Variants in LRRN3 observed in about 807,000 individuals in gnomAD.
The protein encoded by LRRN3 is leucine-rich repeat neuronal protein 3.
Under a neutral mutation model 40.1 loss-of-function variants are expected in LRRN3, and 15 were observed. That is an observed-to-expected ratio of 0.37 (90% CI 0.25 to 0.58). LRRN3 has a LOEUF of 0.58. Ranked by LOEUF, LRRN3 falls within the 20% of genes least tolerant of loss-of-function variation. The pLI, the probability that LRRN3 is intolerant of heterozygous loss-of-function variation, is 0.72. For synonymous variants in LRRN3, 308 were observed against 297.2 expected (o/e 1.04, Z -0.37); for missense variants, 746 against 837.7 (o/e 0.89, Z 1.35).
In LRRN3 at chr7:111,125,047, C is replaced by A; in HGVS notation, c.*148C>A. 1 of 610,694 alleles carries A rather than the reference C, an allele frequency of 1.6e-6. No homozygotes were observed. Among genetic ancestry groups the A allele is most frequent in the Non-Finnish European group, 2.8e-6 (1 of 353,554 alleles). The allele number at this position is 610,694 out of a possible 1,614,324, so 37.8% of individuals were successfully genotyped here. Reference sequence around the variant, plus strand: ...GAGAGAAGTTTAAGCTTCACCAATGCTGCTCCTGACCAATGGAAATATGTA... The same window carrying A: ...GAGAGAAGTTTAAGCTTCACCAATGATGCTCCTGACCAATGGAAATATGTA... On this transcript the variant is annotated 3_prime_UTR_variant, in exon 3 of 3. Coordinates refer to ENST00000308478, the MANE Select transcript of LRRN3 (RefSeq NM_001099658.2).
chr7:111,121,027 C>A (rs1424416668), intron 2 of LRRN3, among the ~76,000 whole-genome samples: 1 of 150,480 alleles, frequency 6.6e-6, no homozygotes, highest in African/African-American at 2.4e-5. Flanking sequence ...GAAAATATAA[C>A]AAATAAAATT....
At chr7:111,114,268 A>G (rs1486589004) in intron 2 of LRRN3, among the ~76,000 whole-genome samples, 1 of 152,146 alleles carries the variant, frequency 6.6e-6, no homozygotes, top group Non-Finnish European at 1.5e-5. Context: ...TACAGCTCCT[A>G]AGGATCTTTT....
At chr7:111,103,219 T>G (rs997759749) in intron 2 of LRRN3, among the ~76,000 whole-genome samples, 5 of 151,744 alleles carry the variant, frequency 3.3e-5, no homozygotes, top group African/African-American at 1.2e-4. Flanking sequence ...AAACCTGTAT[T>G]AGCATTTCTG....
At chr7:111,099,109 A>G (rs1208625877) in intron 1 of LRRN3, among the ~76,000 whole-genome samples, 4 of 151,682 alleles carry the variant, frequency 2.6e-5, no homozygotes, top group Non-Finnish European at 5.9e-5. Flanking sequence ...GCAGCTTATA[A>G]CTTCCTCTAT....
intron 1 of LRRN3, among the ~76,000 whole-genome samples, chr7:111,094,750 T>C (rs971110148): frequency 1.3e-5 from 2 of 152,134 alleles, no homozygotes; most frequent in African/African-American, 4.8e-5. Flanking sequence ...ACGAAGTCAC[T>C]AGTAAAACAT....
chr7:111,102,771 A>G (rs1263365284), intron 2 of LRRN3, among the ~76,000 whole-genome samples: 1 of 151,556 alleles, frequency 6.6e-6, no homozygotes, highest in Non-Finnish European at 1.5e-5. Flanking sequence ...TCCATCTCAA[A>G]TTTAAAAAGC....
chr7:111,101,683 T>C (rs959360609), intron 2 of LRRN3, among the ~76,000 whole-genome samples: 1 of 151,626 alleles, frequency 6.6e-6, no homozygotes. Context: ...TATATTGTCT[T>C]GTGTCTTCCC....
chr7:111,124,792 G>T lies in LRRN3; in HGVS notation c.2020G>T (p.Gly674Cys), dbSNP rs1030245462. The change falls in exon 3 of 3, where the codon GGT (glycine) becomes TGT (cysteine). Residue 674 changes from glycine to cysteine, a missense_variant. Transcript: ENST00000308478. ...CTTACAGAAACCAACCTTTGCATTA[G>T]GTGAGCTTTATCCTCCTCTGATAAA... is the stretch of plus-strand genomic sequence containing the variant. The part of the protein sequence containing the change: ...NYLQKPTFAL[G>C]ELYPPLINLW... 6.2e-7 allele frequency: 1 copy of T among 1,613,334 alleles called. No individual in the cohort carries two copies. The highest frequency in any genetic ancestry group is 1.3e-5 in the African/African-American group (1 of 74,864).
intron 2 of LRRN3, among the ~76,000 whole-genome samples, chr7:111,120,313 C>A (rs367849639): frequency 6.6e-6 from 1 of 152,082 alleles, no homozygotes; most frequent in African/African-American, 2.4e-5. Context: ...AAAGGCCTCA[C>A]AATCATGGCA....
rs1301367470 is a variant in LRRN3, at chr7:111,123,673, G to A, written c.901G>A (p.Asp301Asn). 7 of 1,613,684 alleles carry A rather than the reference G, an allele frequency of 4.3e-6. No homozygotes were observed. Among genetic ancestry groups the A allele is most frequent in the African/African-American group, 1.3e-5 (1 of 74,848 alleles). ...TAATATGCCTGAGCTGATTTCCATC[G>A]ATAGTCTTGCTGTGGATAACCTGCC... Reference protein sequence around the residue: ...INNMPELISIDSLAVDNLPDL... With the variant: ...INNMPELISINSLAVDNLPDL... The change falls in exon 3 of 3, where the codon GAT becomes AAT. Residue 301 changes from aspartate (D) to asparagine (N), a missense_variant. By Grantham distance (23) the Asp-to-Asn change is conservative. Transcript: ENST00000308478. This position sits in a 1 kb window ranked among gnomAD's most constrained non-coding sequence, Gnocchi z 6.4.
chr7:111,112,373 T>C (rs994902257), intron 2 of LRRN3, among the ~76,000 whole-genome samples: 1 of 152,196 alleles, frequency 6.6e-6, no homozygotes, highest in African/African-American at 2.4e-5. Context: ...ACTCTGTCTG[T>C]CACTTCGTAC....
At chr7:111,111,193 T>C (rs1356745302) in intron 2 of LRRN3, among the ~76,000 whole-genome samples, 2 of 152,102 alleles carry the variant, frequency 1.3e-5, no homozygotes, top group East Asian at 3.9e-4. Context: ...AGAACTCTTT[T>C]TCTCCATTAA....
At chr7:111,117,575 G>T (rs962215446) in intron 2 of LRRN3, among the ~76,000 whole-genome samples, 3 of 151,914 alleles carry the variant, frequency 2.0e-5, no homozygotes, top group African/African-American at 7.3e-5. Context: ...TGAAAAACTG[G>T]AAAAGAAATA....
chr7:111,118,783 G>T (rs938246691), intron 2 of LRRN3, among the ~76,000 whole-genome samples: 1 of 151,926 alleles, frequency 6.6e-6, no homozygotes, highest in African/African-American at 2.4e-5. Context: ...CTAAAGAAAC[G>T]ATAAATTTCT....
chr7:111,092,351 A>G (rs1796961283), intron 1 of LRRN3, among the ~76,000 whole-genome samples: 2 of 152,122 alleles, frequency 1.3e-5, no homozygotes, highest in South Asian at 4.1e-4. Flanking sequence ...GTTCTAACCA[A>G]CTGCTATATT....
At chr7:111,118,779 A>T (rs1800217797) in intron 2 of LRRN3, among the ~76,000 whole-genome samples, 8 of 152,136 alleles carry the variant, frequency 5.3e-5, no homozygotes, top group Admixed American at 5.2e-4. Flanking sequence ...TATGCTAAAG[A>T]AACGATAAAT....
At chr7:111,098,938 C>A (rs913974309) in intron 1 of LRRN3, among the ~76,000 whole-genome samples, 1 of 151,722 alleles carries the variant, frequency 6.6e-6, no homozygotes, top group African/African-American at 2.4e-5. Flanking sequence ...AGTTTCATAT[C>A]ATGCATTCTG....
intron 1 of LRRN3, among the ~76,000 whole-genome samples, chr7:111,094,740 A>G (rs552324126): frequency 2.6e-5 from 4 of 152,284 alleles, no homozygotes; most frequent in Admixed American, 6.5e-5. Context: ...TTAGACATCT[A>G]CGAAGTCACT....
At position 111,122,609 on chromosome 7, in the gene LRRN3, G is replaced by C. The variant is rs1170729495; in HGVS notation, c.-164G>C. The C allele has an allele frequency of 3.3e-6, 2 of 600,130 alleles. No individual in the cohort carries two copies. The highest frequency in any genetic ancestry group is 3.7e-5 in the African/African-American group (2 of 53,742). 37.2% of individuals were successfully genotyped at this position (600,130 alleles called of 1,614,324 possible). A position where few individuals can be genotyped will look rare whatever the true frequency, so the allele number is the denominator to read the frequency against. On this transcript the variant is annotated 5_prime_UTR_variant, in exon 3 of 3. Coordinates refer to ENST00000308478, the MANE Select transcript of LRRN3 (RefSeq NM_001099658.2). ...CATGACATTTTTGGACAATGCAATT[G>C]TGGCACTGGCACTTATTTCAGTGAA...
Sources: gnomAD v4.1 joint callset for allele counts (sites outside exome capture counted in the v4.1 genomes callset) on GRCh38, gnomAD v4.1.1 for gene constraint, Gnocchi (gnomAD v3.1) non-coding constraint, MANE v1.5 for transcripts, NCBI Gene and HGNC (gene_info 2026-07-23, HGNC 2026-07-21) for gene names.